PROK2: variants seen among roughly 807,000 people sequenced by gnomAD.
PROK2 encodes the protein prokineticin-2.
A neutral mutation model predicts 14.2 loss-of-function variants in PROK2; 8 were observed. That is an observed-to-expected ratio of 0.56 (90% CI 0.33 to 1.02). PROK2 has a LOEUF of 1.02. Among genes scored for constraint, PROK2 ranks in the 50% least tolerant of loss-of-function variants. The probability of loss-of-function intolerance (pLI) is 0.03; values close to 1 mark genes in which losing one functional copy is unlikely to be tolerated. For synonymous variants in PROK2, 59 were observed against 60.7 expected (o/e 0.97, Z 0.13); for missense variants, 154 against 160.4 (o/e 0.96, Z 0.22).
chr3:71,782,503 A>G (rs1297142456), intron 1 of PROK2, among the ~76,000 whole-genome samples: 1 of 152,204 alleles, frequency 6.6e-6, no homozygotes, highest in Non-Finnish European at 1.5e-5. Context: ...ATCTAAATCT[A>G]TTTGCATGAA....
rs928019286 is a variant in PROK2, at chr3:71,772,410, C to T, written c.*314G>A. ...AGTTTTTCTAACAAAATATCAAATT[C>T]TTATTTTCCTCATTTTTGTGAAAAT... On this transcript the variant is annotated 3_prime_UTR_variant, in exon 4 of 4. Transcript: ENST00000295619. The T allele has an allele frequency of 3.5e-6, 1 of 284,218 alleles. No homozygotes were observed. Among genetic ancestry groups the T allele is most frequent in the Non-Finnish European group, 6.6e-6 (1 of 151,820 alleles). 17.6% of individuals were successfully genotyped at this position (284,218 alleles called of 1,614,324 possible).
chr3:71,775,585 C>T (rs950736472), intron 2 of PROK2, among the ~76,000 whole-genome samples: 8 of 152,118 alleles, frequency 5.3e-5, no homozygotes, highest in African/African-American at 1.9e-4. Context: ...GAATGTCATC[C>T]CAAACCTCAG....
At chr3:71,782,766 A>G (rs2050170104) in intron 1 of PROK2, among the ~76,000 whole-genome samples, 1 of 152,206 alleles carries the variant, frequency 6.6e-6, no homozygotes, top group African/African-American at 2.4e-5. Flanking sequence ...ATATGGGTAC[A>G]TTCTTAACAT....
intron 3 of PROK2, among the ~76,000 whole-genome samples, chr3:71,773,973 G>A (rs1048270130): frequency 1.3e-5 from 2 of 152,172 alleles, no homozygotes; most frequent in Non-Finnish European, 1.5e-5. Flanking sequence ...CAAGTTATAC[G>A]GAGAAAGTTT....
In PROK2 at chr3:71,784,977, C is replaced by T. The variant is rs1269302438; in HGVS notation, c.76G>A (p.Asp26Asn). 2 of 1,249,452 alleles carry T rather than the reference C, an allele frequency of 1.6e-6. No individual in the cohort carries two copies. Among genetic ancestry groups the T allele is most frequent in the Non-Finnish European group, 1.0e-6 (1 of 994,868 alleles). The allele number at this position is 1,249,452 out of a possible 1,614,324, so 77.4% of individuals were successfully genotyped here. A position where few individuals can be genotyped will look rare whatever the true frequency, so the allele number is the denominator to read the frequency against. Reference sequence around the variant, plus strand: ...CTTACCCCGGTGATCACGGCGGCGTCCCCAGCGCGGGGCGTGAGCAGCAGC... The same window carrying T: ...CTTACCCCGGTGATCACGGCGGCGTTCCCAGCGCGGGGCGTGAGCAGCAGC... ...PPLLLTPRAGDAAVITGACDK... is the reference protein window; with the variant it reads ...PPLLLTPRAGNAAVITGACDK... The change falls in exon 1 of 4, where the codon GAC becomes AAC. Residue 26 changes from aspartate to asparagine, a missense_variant. By Grantham distance (23) the Asp-to-Asn change is conservative (BLOSUM62 1). Transcript: ENST00000295619.
Position 71,785,136 on chromosome 3 carries a change from G to A in PROK2, c.-84C>T. On this transcript the variant is annotated 5_prime_UTR_variant, in exon 1 of 4. Transcript: ENST00000295619. ...CTGGGTGGAGCGCGGAGCGGCGGGCGGACGGGCGCGGCGGCTCCCGCGAGC... is the reference window on the plus strand; with the variant it reads ...CTGGGTGGAGCGCGGAGCGGCGGGCAGACGGGCGCGGCGGCTCCCGCGAGC... 1 of 945,016 alleles carries A rather than the reference G, an allele frequency of 1.1e-6. No individual in the cohort carries two copies. Among genetic ancestry groups the A allele is most frequent in the South Asian group, 5.2e-5 (1 of 19,104 alleles). 58.5% of individuals were successfully genotyped at this position (945,016 alleles called of 1,614,324 possible). A position where few individuals can be genotyped will look rare whatever the true frequency, so the allele number is the denominator to read the frequency against.
At chr3:71,781,035 T>C (rs1485264211) in intron 2 of PROK2, among the ~76,000 whole-genome samples, 1 of 152,250 alleles carries the variant, frequency 6.6e-6, no homozygotes, top group Non-Finnish European at 1.5e-5. Context: ...AATTGTATAA[T>C]CGATTTTCTA....
chr3:71,778,707 T>C lies in PROK2; in HGVS notation c.222+2760A>G, dbSNP rs537881776. 1.7e-3 allele frequency among the ~76,000 whole-genome samples: 259 copies of C among 152,344 alleles called. 1 individual carries two copies. The highest frequency in any genetic ancestry group is 3.4e-3 in the Non-Finnish European group (233 of 68,038). On this transcript the variant is annotated intron_variant, in intron 2 of 3. Transcript: ENST00000295619. ...GAGGAAAGACTTTTTTCTTGAGTTG[T>C]TTTGAACAGACCATACAGCTGAGAG...
chr3:71,779,339 C>G (rs182178777), intron 2 of PROK2, among the ~76,000 whole-genome samples: 1 of 152,348 alleles, frequency 6.6e-6, no homozygotes, highest in East Asian at 1.9e-4. Flanking sequence ...AGTTGAGTGT[C>G]TCTTGTTTAC....
At chr3:71,781,973 A>G (rs1362114024) in intron 1 of PROK2, among the ~76,000 whole-genome samples, 1 of 152,220 alleles carries the variant, frequency 6.6e-6, no homozygotes, top group Non-Finnish European at 1.5e-5. Flanking sequence ...CATAAATGGA[A>G]TCACAAGATT....
chr3:71,775,767 A>G (rs929276086), intron 2 of PROK2, among the ~76,000 whole-genome samples: 3 of 152,186 alleles, frequency 2.0e-5, no homozygotes, highest in Non-Finnish European at 2.9e-5. Context: ...CCCAGACTCC[A>G]GACTCTCTAA....
rs1266126704 is a variant in PROK2, at chr3:71,772,415, T to C, written c.*309A>G. On this transcript the variant is annotated 3_prime_UTR_variant, in exon 4 of 4. Coordinates refer to ENST00000295619, the MANE Select transcript of PROK2 (RefSeq NM_001126128.2). ...TTCTAACAAAATATCAAATTCTTAT[T>C]TTCCTCATTTTTGTGAAAATGGGTA... is the stretch of plus-strand genomic sequence containing the variant. 2 of 316,670 alleles carry C rather than the reference T, an allele frequency of 6.3e-6. No individual in the cohort carries two copies. Among genetic ancestry groups the C allele is most frequent in the Non-Finnish European group, 1.2e-5 (2 of 172,440 alleles). 19.6% of individuals were successfully genotyped at this position (316,670 alleles called of 1,614,324 possible). A position where few individuals can be genotyped will look rare whatever the true frequency, so the allele number is the denominator to read the frequency against.
rs1214541706 is a variant in PROK2, at chr3:71,772,050, AG to A, written c.*673del. ...CACACCAGCCCAACAGCAGAGCTGA[AG>A]TCCTCTTGAGTGACAGGTTTAGGAA... On this transcript the variant is annotated 3_prime_UTR_variant, in exon 4 of 4. Coordinates refer to ENST00000295619, the MANE Select transcript of PROK2 (RefSeq NM_001126128.2). 6.6e-6 allele frequency: 1 copy of A among 152,270 alleles called. No homozygotes were observed. Among genetic ancestry groups the A allele is most frequent in the African/African-American group, 2.4e-5 (1 of 41,450 alleles). The allele number at this position is 152,270 out of a possible 1,614,324, so 9.4% of individuals were successfully genotyped here. A position where few individuals can be genotyped will look rare whatever the true frequency, so the allele number is the denominator to read the frequency against.
At chr3:71,784,914 C>G (rs1401465000) in intron 1 of PROK2, 43 bp downstream of exon 1, 3 of 1,220,200 alleles carry the variant, frequency 2.5e-6, no homozygotes, top group South Asian at 8.3e-5. Context: ...GGGCACATCC[C>G]AGGCGCGCAT....
At chr3:71,777,880 A>G (rs2050131739) in intron 2 of PROK2, among the ~76,000 whole-genome samples, 1 of 151,716 alleles carries the variant, frequency 6.6e-6, no homozygotes, top group Admixed American at 6.6e-5. Context: ...AGTTTCTTCT[A>G]AAGGCATGAT....
At chr3:71,783,684 G>T (rs2050187946) in intron 1 of PROK2, among the ~76,000 whole-genome samples, 1 of 152,094 alleles carries the variant, frequency 6.6e-6, no homozygotes, top group Non-Finnish European at 1.5e-5. Context: ...CTTTAAATGA[G>T]CCAGCAGGAG....
chr3:71,775,310 A>G (rs1470539304), intron 2 of PROK2, among the ~76,000 whole-genome samples: 4 of 152,214 alleles, frequency 2.6e-5, no homozygotes, highest in Non-Finnish European at 5.9e-5. Context: ...CCTACATACC[A>G]GGCCCTATCT....
chr3:71,782,254 T>C (rs941148820), intron 1 of PROK2, among the ~76,000 whole-genome samples: 1 of 152,206 alleles, frequency 6.6e-6, no homozygotes, highest in African/African-American at 2.4e-5. Flanking sequence ...TACTCTTCCT[T>C]CAGGTGAATA....
At chr3:71,776,356 CGCTTTTCA>C (rs1357961867) in intron 2 of PROK2, among the ~76,000 whole-genome samples, 1 of 134,142 alleles carries the variant, frequency 7.5e-6, no homozygotes, top group African/African-American at 2.9e-5. Flanking sequence ...TTTTTCTTTT[CGCTTTTCA>C]TTTTTTTTTT....
Sources: allele counts gnomAD v4.1 joint callset (sites outside exome capture counted in the v4.1 genomes callset), GRCh38; gene constraint gnomAD v4.1.1; transcripts MANE v1.5; gene names NCBI Gene and HGNC (gene_info 2026-07-23, HGNC 2026-07-21).